The following FGF14 variants were observed in gnomAD, a reference collection of about 807,000 sequenced individuals.
FGF14 encodes the protein fibroblast growth factor homologous factor 4.
A neutral mutation model predicts 25.5 loss-of-function variants in FGF14; 5 were observed. That is an observed-to-expected ratio of 0.20 (90% CI 0.10 to 0.41). The LOEUF is 0.41. FGF14 is among the 10% of genes least tolerant of loss of function. The probability of loss-of-function intolerance (pLI) is 1.00; values close to 1 mark genes in which losing one functional copy is unlikely to be tolerated. For synonymous variants in FGF14, 138 were observed against 118.3 expected (o/e 1.17, Z -1.08); for missense variants, 222 against 320.1 (o/e 0.69, Z 2.34).
At chr13:101,740,417 A>T (rs2036472795) in intron 3 of FGF14, among the ~76,000 whole-genome samples, 1 of 152,254 alleles carries the variant, frequency 6.6e-6, no homozygotes, top group Non-Finnish European at 1.5e-5. Context: ...TGTCCATTAT[A>T]GTACCAGAAA....
intron 3 of FGF14, among the ~76,000 whole-genome samples, chr13:101,793,132 TCTAA>T (rs928369166): frequency 6.6e-6 from 1 of 152,126 alleles, no homozygotes; most frequent in Non-Finnish European, 1.5e-5. Flanking sequence ...ATTTATCCTA[TCTAA>T]CTGAGGCTTT....
In FGF14 at chr13:101,714,866, C is replaced by A; in HGVS notation, c.*7965G>T. 1 of 311,594 alleles carries A rather than the reference C, an allele frequency of 3.2e-6. No individual in the cohort carries two copies. Among genetic ancestry groups the A allele is most frequent in the Non-Finnish European group, 5.9e-6 (1 of 168,116 alleles). 19.3% of individuals were successfully genotyped at this position (311,594 alleles called of 1,614,324 possible). ...CACAGAAAAGAATTTTGTTGGCAAC[C>A]ATTTTACTTTGAACATGGTATAGGG... On this transcript the variant is annotated 3_prime_UTR_variant, in exon 5 of 5. Transcript: ENST00000376143.
intron 3 of FGF14, among the ~76,000 whole-genome samples, chr13:101,862,342 A>G (rs1232101378): frequency 6.7e-6 from 1 of 150,004 alleles, no homozygotes; most frequent in Admixed American, 6.7e-5. Flanking sequence ...TCTTTCCTTT[A>G]TATTTATTTT....
intron 3 of FGF14, among the ~76,000 whole-genome samples, chr13:101,836,444 TG>T (rs1403327101): frequency 6.6e-6 from 1 of 152,100 alleles, no homozygotes; most frequent in Non-Finnish European, 1.5e-5. Context: ...AGGAAGTTTT[TG>T]TGACTGAACA....
intron 1 of FGF14, among the ~76,000 whole-genome samples, chr13:102,106,750 C>T (rs892148504): frequency 1.3e-5 from 2 of 152,190 alleles, no homozygotes; most frequent in African/African-American, 4.8e-5. Flanking sequence ...AGTATCTTCA[C>T]ATATTTCTAA....
intron 3 of FGF14, among the ~76,000 whole-genome samples, chr13:101,840,882 CTACA>C (rs1594441650): frequency 6.6e-6 from 1 of 151,928 alleles, no homozygotes; most frequent in East Asian, 1.9e-4. Flanking sequence ...CATTTTATGT[CTACA>C]TAAACTGGTA....
chr13:102,266,541 C>T (rs2053001933), intron 1 of FGF14, among the ~76,000 whole-genome samples: 2 of 152,012 alleles, frequency 1.3e-5, no homozygotes, highest in South Asian at 2.1e-4. Context: ...CAGATAAATA[C>T]CGCATTTTAT....
intron 3 of FGF14, among the ~76,000 whole-genome samples, chr13:101,855,912 T>TG (rs1555297568): frequency 1.3e-5 from 2 of 151,496 alleles, no homozygotes; most frequent in African/African-American, 4.8e-5. Context: ...AGTTTTTTTT[T>TG]TTTTTAAGAA....
At chr13:102,371,090 G>A (rs914738585) in intron 1 of FGF14, among the ~76,000 whole-genome samples, 3 of 152,036 alleles carry the variant, frequency 2.0e-5, no homozygotes, top group Non-Finnish European at 2.9e-5. Context: ...TTCTGGCCAC[G>A]TGTTATTTCA....
chr13:102,079,718 A>C (rs2043528816), intron 1 of FGF14, among the ~76,000 whole-genome samples: 1 of 152,196 alleles, frequency 6.6e-6, no homozygotes, highest in Non-Finnish European at 1.5e-5. Flanking sequence ...TACATCACAA[A>C]TACTATACGT....
At chr13:102,126,683 C>G (rs1448884738) in intron 1 of FGF14, among the ~76,000 whole-genome samples, 1 of 152,146 alleles carries the variant, frequency 6.6e-6, no homozygotes, top group African/African-American at 2.4e-5. Flanking sequence ...TTTTATATCA[C>G]AATTTAATAG....
Position 102,102,191 on chromosome 13 carries a change from C to G in FGF14, c.209-226895G>C, listed in dbSNP as rs946567033. Reference sequence around the variant, plus strand: ...CATTTTCCAAGTGCTCTCAGCTAAACCATTTTAAGAGAGCTCTAACCCAGT... The same window carrying G: ...CATTTTCCAAGTGCTCTCAGCTAAAGCATTTTAAGAGAGCTCTAACCCAGT... On this transcript the variant is annotated intron_variant, in intron 1 of 4. Coordinates refer to the FGF14 transcript ENST00000376131. Among the ~76,000 whole-genome samples the G allele has an allele frequency of 1.5e-4, 23 of 152,222 alleles. No homozygotes were observed. The South Asian group carries it at 2.9e-3, about 19-fold the overall frequency.
chr13:101,914,697 A>G (rs530430650), intron 1 of FGF14, among the ~76,000 whole-genome samples: 64 of 152,370 alleles, frequency 4.2e-4, no homozygotes, highest in Middle Eastern at 3.4e-3. Flanking sequence ...TTTATTGTTC[A>G]TATTTATAAA....
At chr13:102,051,929 T>C (rs1251507126) in intron 1 of FGF14, among the ~76,000 whole-genome samples, 1 of 152,122 alleles carries the variant, frequency 6.6e-6, no homozygotes, top group Non-Finnish European at 1.5e-5. Flanking sequence ...AATGGAGATA[T>C]ATTAAATGCT....
At chr13:102,251,910 T>G (rs1340033172) in intron 1 of FGF14, among the ~76,000 whole-genome samples, 1 of 152,202 alleles carries the variant, frequency 6.6e-6, no homozygotes, top group Non-Finnish European at 1.5e-5. Context: ...AAATGAAATT[T>G]ATGAATCCAG....
intron 3 of FGF14, among the ~76,000 whole-genome samples, chr13:101,773,503 TG>T (rs1395445286): frequency 6.6e-6 from 1 of 151,718 alleles, no homozygotes; most frequent in Non-Finnish European, 1.5e-5. Flanking sequence ...GTGTGAGAAA[TG>T]ATAAAATAAG....
At chr13:102,246,811 C>A (rs2051896725) in intron 1 of FGF14, among the ~76,000 whole-genome samples, 1 of 151,076 alleles carries the variant, frequency 6.6e-6, no homozygotes, top group Non-Finnish European at 1.5e-5. Context: ...AAGAACAAAA[C>A]TGGAGGCTTC....
chr13:102,259,339 T>A (rs1163048286), intron 1 of FGF14, among the ~76,000 whole-genome samples: 2 of 152,156 alleles, frequency 1.3e-5, no homozygotes, highest in Non-Finnish European at 2.9e-5. Context: ...CCCCCTGCCA[T>A]CTCTCCTAAA....
intron 1 of FGF14, among the ~76,000 whole-genome samples, chr13:102,301,187 A>G (rs1476048903): frequency 6.6e-6 from 1 of 152,158 alleles, no homozygotes; most frequent in African/African-American, 2.4e-5. Flanking sequence ...CATCTACTTA[A>G]TTGACAAAAT....
Sources: allele counts gnomAD v4.1 joint callset (sites outside exome capture counted in the v4.1 genomes callset), GRCh38; gene constraint gnomAD v4.1.1; transcripts MANE v1.5; gene names NCBI Gene and HGNC (gene_info 2026-07-23, HGNC 2026-07-21).